Variants in PPP1R13B observed in about 807,000 individuals in gnomAD.
PPP1R13B encodes apoptosis-stimulating of p53 protein 1.
PPP1R13B carries 44 observed loss-of-function variants against 119.8 expected under a neutral mutation model. The observed-to-expected ratio is 0.37, with a 90% CI of 0.29 to 0.47. The LOEUF (loss-of-function observed/expected upper bound fraction) is 0.47, where lower values mean the gene tolerates loss of function less well. PPP1R13B is among the 20% of genes least tolerant of loss of function. The probability of loss-of-function intolerance (pLI) is 0.99; values close to 1 mark genes in which losing one functional copy is unlikely to be tolerated. For synonymous variants in PPP1R13B, 542 were observed against 561.5 expected (o/e 0.97, Z 0.49); for missense variants, 1,227 against 1,413.5 (o/e 0.87, Z 2.12).
chr14:103,768,248 T>C (rs1328517329), intron 4 of PPP1R13B, among the ~76,000 whole-genome samples: 2 of 151,914 alleles, frequency 1.3e-5, no homozygotes, highest in East Asian at 3.9e-4. Flanking sequence ...CCCGGATAGC[T>C]GGGATTACAG....
chr14:103,790,875 C>T (rs892381395), intron 2 of PPP1R13B, among the ~76,000 whole-genome samples: 45 of 152,124 alleles, frequency 3.0e-4, no homozygotes, highest in Non-Finnish European at 1.5e-5. Flanking sequence ...GGTGTGATGG[C>T]GTGCCTGTAA....
intron 1 of PPP1R13B, among the ~76,000 whole-genome samples, chr14:103,841,157 T>C (rs2086897379): frequency 6.6e-6 from 1 of 151,704 alleles, no homozygotes; most frequent in Admixed American, 6.6e-5. Context: ...TGGTGGTACA[T>C]GCCTGTAATC....
In PPP1R13B at chr14:103,752,023, A is replaced by AC. The variant is rs2084561065; in HGVS notation, c.828+976dup. Among the ~76,000 whole-genome samples the AC allele has an allele frequency of 3.9e-5, 6 of 152,164 alleles. No individual in the cohort carries two copies. The South Asian group carries it at 1.2e-3, about 32-fold the overall frequency. ...AAGTGAAAGAAGCCGGTCACAAAGG[A>AC]CCGCATACAGGGTGTGTTTTGGTTA... On this transcript the variant is annotated intron_variant, in intron 7 of 16. Transcript: ENST00000202556.
intron 4 of PPP1R13B, 97 bp from the exon 5 acceptor site, chr14:103,757,848 C>T: frequency 1.0e-6 from 1 of 970,276 alleles, no homozygotes; most frequent in Admixed American, 2.2e-5. Flanking sequence ...TAGATAGGAT[C>T]CCTAGTAGTG....
At chr14:103,760,136 T>C (rs1595735342) in intron 4 of PPP1R13B, among the ~76,000 whole-genome samples, 1 of 152,020 alleles carries the variant, frequency 6.6e-6, no homozygotes, top group Non-Finnish European at 1.5e-5. Context: ...TCAACAAATA[T>C]GTAACAATTT....
chr14:103,841,809 G>GC (rs1409174109), intron 1 of PPP1R13B, among the ~76,000 whole-genome samples: 2 of 152,150 alleles, frequency 1.3e-5, no homozygotes, highest in Non-Finnish European at 2.9e-5. Context: ...GTGTCAAGTT[G>GC]CCTCAACCTT....
chr14:103,838,350 G>T (rs952086698), intron 1 of PPP1R13B, among the ~76,000 whole-genome samples: 1 of 152,038 alleles, frequency 6.6e-6, no homozygotes, highest in African/African-American at 2.4e-5. Context: ...TGGGCTAAAC[G>T]GCAGTGGTAT....
intron 2 of PPP1R13B, among the ~76,000 whole-genome samples, chr14:103,786,766 C>CAAAAAA (rs1174732049): frequency 0.074 from 3,299 of 44,552 alleles, 483 homozygotes; most frequent in African/African-American, 0.13. Flanking sequence ...AACTCTGTCT[C>CAAAAAA]AAAAAAAAAA....
chr14:103,824,704 A>G (rs945454518), intron 1 of PPP1R13B, among the ~76,000 whole-genome samples: 11 of 152,092 alleles, frequency 7.2e-5, no homozygotes, highest in African/African-American at 2.7e-4. Context: ...CAAAAAAAAA[A>G]AAAAGGAGAC....
intron 1 of PPP1R13B, among the ~76,000 whole-genome samples, chr14:103,846,342 T>C (rs2087032243): frequency 6.6e-6 from 1 of 152,214 alleles, no homozygotes; most frequent in South Asian, 2.1e-4. Context: ...GGGTGCAGCA[T>C]AGCAGAATGG....
intron 4 of PPP1R13B, chr14:103,778,509 C>T: frequency 9.3e-6 from 4 of 431,110 alleles, no homozygotes; most frequent in Non-Finnish European, 1.7e-5. Context: ...ATCTGTGCGC[C>T]TCAGTCTCCC....
At chr14:103,801,860 CA>C (rs2152047403) in intron 1 of PPP1R13B, among the ~76,000 whole-genome samples, 1 of 152,300 alleles carries the variant, frequency 6.6e-6, no homozygotes, top group South Asian at 2.1e-4. Flanking sequence ...GTTCAATAAA[CA>C]AGCATCATCC....
At chr14:103,792,631 G>C (rs562324285) in intron 2 of PPP1R13B, among the ~76,000 whole-genome samples, 1 of 152,134 alleles carries the variant, frequency 6.6e-6, no homozygotes, top group East Asian at 1.9e-4. Context: ...GGATTGTCTG[G>C]GCACTGTGCA....
intron 4 of PPP1R13B, among the ~76,000 whole-genome samples, chr14:103,765,365 G>A (rs1010146314): frequency 9.9e-5 from 15 of 152,204 alleles, no homozygotes; most frequent in Admixed American, 7.2e-4. Flanking sequence ...TTTCATGCTC[G>A]TTCCTTTTTG....
chr14:103,789,007 C>A (rs116904490), intron 2 of PPP1R13B, among the ~76,000 whole-genome samples: 16 of 152,032 alleles, frequency 1.1e-4, no homozygotes, highest in Admixed American at 1.1e-3. Flanking sequence ...ATTAGCTTCT[C>A]CCTCCAGAAA....
At chr14:103,834,242 G>A (rs1276260253) in intron 1 of PPP1R13B, among the ~76,000 whole-genome samples, 4 of 152,122 alleles carry the variant, frequency 2.6e-5, no homozygotes, top group Non-Finnish European at 4.4e-5. Context: ...TGGGCATGGT[G>A]GCACACGCCT....
At chr14:103,814,709 G>C (rs1250133862) in intron 1 of PPP1R13B, among the ~76,000 whole-genome samples, 1 of 152,206 alleles carries the variant, frequency 6.6e-6, no homozygotes, top group East Asian at 1.9e-4. Flanking sequence ...ACTTTGGGAA[G>C]CCAAGGTGGG....
intron 1 of PPP1R13B, chr14:103,804,132 C>A: frequency 1.2e-6 from 1 of 805,936 alleles, no homozygotes. Flanking sequence ...TCATACTAGA[C>A]CATAAGGACA....
chr14:103,787,347 G>C (rs745311262), intron 2 of PPP1R13B, among the ~76,000 whole-genome samples: 7 of 151,926 alleles, frequency 4.6e-5, no homozygotes, highest in South Asian at 4.1e-4. Flanking sequence ...TACTCAGGAA[G>C]CTGAGGCAGA....
Sources: gnomAD v4.1 joint callset for allele counts (sites outside exome capture counted in the v4.1 genomes callset) on GRCh38, gnomAD v4.1.1 for gene constraint, MANE v1.5 for transcripts, NCBI Gene and HGNC (gene_info 2026-07-23, HGNC 2026-07-21) for gene names.